Variants in PRAP1 observed in about 807,000 individuals in gnomAD.
PRAP1 encodes proline-rich acidic protein 1.
A neutral mutation model predicts 14.6 loss-of-function variants in PRAP1; 12 were observed. The observed-to-expected ratio is 0.82, with a 90% CI of 0.53 to 1.33. The LOEUF (loss-of-function observed/expected upper bound fraction) is 1.33. Among genes scored for constraint, PRAP1 ranks in the 40% most tolerant of loss-of-function variants. The pLI, the probability that PRAP1 is intolerant of heterozygous loss-of-function variation, is 0.00. For synonymous variants in PRAP1, 81 were observed against 80.3 expected (o/e 1.01, Z -0.04); for missense variants, 160 against 193.7 (o/e 0.83, Z 1.03).
At position 133,352,475 on chromosome 10, in the gene PRAP1, C is replaced by T. The variant is rs1848698269; in HGVS notation, c.*35C>T. 1 of 1,587,218 alleles carries T rather than the reference C, an allele frequency of 6.3e-7. No individual in the cohort carries two copies. Among genetic ancestry groups the T allele is most frequent in the Non-Finnish European group, 8.6e-7 (1 of 1,160,554 alleles). ...GGCCATCACTGCCCCCGCCCTGTCC[C>T]AAGGCCCAGGCTGTTGGGACTGGGA... On this transcript the variant is annotated 3_prime_UTR_variant, in exon 5 of 5. Coordinates refer to ENST00000433452, the MANE Select transcript of PRAP1 (RefSeq NM_145202.5).
At position 133,351,235 on chromosome 10, in the gene PRAP1, C is replaced by G; in HGVS notation, c.76-146C>G. ...GAGTGGCTTGCCCACTAGAGACGCTCGAGCTGTGCTGAGCTGGCCCTGCCC... is the reference window on the plus strand; with the variant it reads ...GAGTGGCTTGCCCACTAGAGACGCTGGAGCTGTGCTGAGCTGGCCCTGCCC... On this transcript the variant is annotated intron_variant, in intron 2 of 4. Transcript: ENST00000433452. This position sits in a 1 kb window ranked among gnomAD's most constrained non-coding sequence, Gnocchi z 4.3. 1 of 560,460 alleles carries G rather than the reference C, an allele frequency of 1.8e-6. No individual in the cohort carries two copies. Among genetic ancestry groups the G allele is most frequent in the Non-Finnish European group, 3.2e-6 (1 of 309,154 alleles). The allele number at this position is 560,460 out of a possible 1,614,324, so 34.7% of individuals were successfully genotyped here. A position where few individuals can be genotyped will look rare whatever the true frequency, so the allele number is the denominator to read the frequency against.
chr10:133,348,854 T>A (rs1196368675), intron 1 of PRAP1, among the ~76,000 whole-genome samples: 2 of 151,380 alleles, frequency 1.3e-5, no homozygotes, highest in Non-Finnish European at 2.9e-5. Flanking sequence ...AGAGACGGAG[T>A]TTTGCCATGT....
rs1848678586 is a variant in PRAP1 at position 133,351,514 on chromosome 10, A to G, written c.128+81A>G. On this transcript the variant is annotated intron_variant, in intron 3 of 4. Transcript: ENST00000433452. This position sits in a 1 kb window ranked among gnomAD's most constrained non-coding sequence, Gnocchi z 4.3. ...TCTGCTGGGCCCTTCCTGAACCTGG[A>G]GAGCACGGGGCAGATGCAGAGAGGA... 3.5e-6 allele frequency: 4 copies of G among 1,143,722 alleles called. No individual in the cohort carries two copies. The highest frequency in any genetic ancestry group is 5.1e-6 in the Non-Finnish European group (4 of 783,638). The allele number at this position is 1,143,722 out of a possible 1,614,324, so 70.8% of individuals were successfully genotyped here.
chr10:133,347,390 ACT>A lies in PRAP1; in HGVS notation c.-23_-22del, dbSNP rs757993370. On this transcript the variant is annotated 5_prime_UTR_variant, in exon 1 of 5. Coordinates refer to ENST00000433452, the MANE Select transcript of PRAP1 (RefSeq NM_145202.5). The surrounding 1 kb of genome is among the most constrained non-coding windows in gnomAD (Gnocchi z 5.0). ...GATCAGCCACTGCAGCTCCCTGAGC[ACT>A]CTCTACAGAGACGCGGACCCCAGAC... 1.7e-5 allele frequency: 27 copies of A among 1,613,322 alleles called. No homozygotes were observed. The highest frequency in any genetic ancestry group is 2.2e-5 in the South Asian group (2 of 90,948).
At chr10:133,349,085 C>T (rs1848632318) in intron 1 of PRAP1, among the ~76,000 whole-genome samples, 1 of 150,852 alleles carries the variant, frequency 6.6e-6, no homozygotes, top group Non-Finnish European at 1.5e-5. Context: ...CAAGTCTGCA[C>T]CACATCACAC....
chr10:133,348,354 C>G (rs1848617648), intron 1 of PRAP1, among the ~76,000 whole-genome samples: 1 of 152,212 alleles, frequency 6.6e-6, no homozygotes, highest in Admixed American at 6.5e-5. Flanking sequence ...TCCCCCCTGC[C>G]CTTTGACCTC....
In PRAP1 at chr10:133,348,671, G is replaced by T. The variant is rs921359041; in HGVS notation, c.8+1246G>T. ...TGGGATTACAGGCACCTGCCACCACGCCTGGCTAATTTTTTTTTTTTTTTT... is the reference window on the plus strand; with the variant it reads ...TGGGATTACAGGCACCTGCCACCACTCCTGGCTAATTTTTTTTTTTTTTTT... On this transcript the variant is annotated intron_variant, in intron 1 of 4. Transcript: ENST00000433452. 2.8e-4 allele frequency among the ~76,000 whole-genome samples: 38 copies of T among 136,206 alleles called. No individual in the cohort carries two copies. In the East Asian group the frequency reaches 3.6e-3, roughly 13 times the overall value. The allele number at this position is 136,206 out of a possible 152,430, so 89.4% of individuals were successfully genotyped here.
Position 133,351,619 on chromosome 10 carries a change from G to T in PRAP1, c.128+186G>T, listed in dbSNP as rs867234786. On this transcript the variant is annotated intron_variant, in intron 3 of 4. Coordinates refer to ENST00000433452, the MANE Select transcript of PRAP1 (RefSeq NM_145202.5). This position sits in a 1 kb window ranked among gnomAD's most constrained non-coding sequence, Gnocchi z 4.3. ...TCAACAGCGCCCCATGCAGGGAGAA[G>T]AGAGCACAGCCGGAGGGCTTGGGGC... Among the ~76,000 whole-genome samples, 1 of 152,244 alleles carries T rather than the reference G, an allele frequency of 6.6e-6. No homozygotes were observed. Among genetic ancestry groups the T allele is most frequent in the Non-Finnish European group, 1.5e-5 (1 of 68,038 alleles).
At position 133,352,510 on chromosome 10, in the gene PRAP1, C is replaced by A; in HGVS notation, c.*70C>A. 3 of 1,377,132 alleles carry A rather than the reference C, an allele frequency of 2.2e-6. No homozygotes were observed. The highest frequency in any genetic ancestry group is 2.3e-5 in the East Asian group (1 of 43,444). The allele number at this position is 1,377,132 out of a possible 1,614,324, so 85.3% of individuals were successfully genotyped here. On this transcript the variant is annotated 3_prime_UTR_variant, in exon 5 of 5. Coordinates refer to ENST00000433452, the MANE Select transcript of PRAP1 (RefSeq NM_145202.5). ...GCTGTTGGGACTGGGACCCTCCCTA[C>A]CCTGCCCCAGCTAGACAAATAAACC...
Position 133,352,153 on chromosome 10 carries a change from T to A in PRAP1, c.262+13T>A. On this transcript the variant is annotated intron_variant, in intron 4 of 4. Transcript: ENST00000433452. ...CCCATCCTTCCAGGTGGGCACAAGG[T>A]CACAGCAGCAGAGTCCGCTCGTGGG... is the stretch of plus-strand genomic sequence containing the variant. 6.2e-7 allele frequency: 1 copy of A among 1,612,532 alleles called. No individual in the cohort carries two copies. The highest frequency in any genetic ancestry group is 8.5e-7 in the Non-Finnish European group (1 of 1,179,814).
rs1211757606 is a variant in PRAP1 at position 133,351,147 on chromosome 10, G to T, written c.76-234G>T. On this transcript the variant is annotated intron_variant, in intron 2 of 4. Transcript: ENST00000433452. The surrounding 1 kb of genome is among the most constrained non-coding windows in gnomAD (Gnocchi z 4.3). ...GCCCCAGACCCGGCCAGAATTCCAGGCCAGCTGGTCATCTGGGCACAGGCC... is the reference window on the plus strand; with the variant it reads ...GCCCCAGACCCGGCCAGAATTCCAGTCCAGCTGGTCATCTGGGCACAGGCC... 6.6e-6 allele frequency among the ~76,000 whole-genome samples: 1 copy of T among 152,152 alleles called. No individual in the cohort carries two copies. The highest frequency in any genetic ancestry group is 1.5e-5 in the Non-Finnish European group (1 of 68,018).
intron 1 of PRAP1, among the ~76,000 whole-genome samples, chr10:133,349,567 C>T (rs1043391455): frequency 6.6e-6 from 1 of 152,222 alleles, no homozygotes; most frequent in Non-Finnish European, 1.5e-5. Context: ...GACACCCTGC[C>T]TGCCTGCCTA....
rs1270370006 is a variant in PRAP1, at chr10:133,350,144, G to A, written c.58G>A (p.Ala20Thr). ...LVVVLLWEAG[A>T]VPAPKVPIKM... The stretch of plus-strand genomic sequence containing the variant: ...GGTTGTGCTGCTGTGGGAGGCAGGT[G>A]CAGTCCCAGCACCCAAGGTAGGTGT... The change falls in exon 2 of 5, where the codon GCA becomes ACA. Residue 20 changes from alanine to threonine, a missense_variant. Coordinates refer to ENST00000433452, the MANE Select transcript of PRAP1 (RefSeq NM_145202.5). The A allele has an allele frequency of 6.2e-7, 1 of 1,613,408 alleles. No individual in the cohort carries two copies. The highest frequency in any genetic ancestry group is 8.5e-7 in the Non-Finnish European group (1 of 1,179,778).
In PRAP1 at chr10:133,351,476, A is replaced by G; in HGVS notation, c.128+43A>G. ...CACCTCCCCACCACCCATTCCCTGA[A>G]GCTACAGCCCGTTCTGCTGGGCCCT... On this transcript the variant is annotated intron_variant, in intron 3 of 4. Coordinates refer to ENST00000433452, the MANE Select transcript of PRAP1 (RefSeq NM_145202.5). This position sits in a 1 kb window ranked among gnomAD's most constrained non-coding sequence, Gnocchi z 4.3. 1.4e-6 allele frequency: 2 copies of G among 1,460,548 alleles called. No individual in the cohort carries two copies. The highest frequency in any genetic ancestry group is 1.9e-6 in the Non-Finnish European group (2 of 1,056,658). The allele number at this position is 1,460,548 out of a possible 1,614,324, so 90.5% of individuals were successfully genotyped here. A position where few individuals can be genotyped will look rare whatever the true frequency, so the allele number is the denominator to read the frequency against.
rs1024568292 is a variant in PRAP1, at chr10:133,351,436, A to G, written c.128+3A>G. 1.2e-6 allele frequency: 2 copies of G among 1,604,246 alleles called. No homozygotes were observed. Among genetic ancestry groups the G allele is most frequent in the African/African-American group, 2.7e-5 (2 of 74,752 alleles). ...CCCTCAGAGCAGGACCCAGAGAAGTAAGTCCCCCCAACCCCACCTCCCCAC... is the reference window on the plus strand; with the variant it reads ...CCCTCAGAGCAGGACCCAGAGAAGTGAGTCCCCCCAACCCCACCTCCCCAC... On this transcript the variant is annotated splice_donor_region_variant and intron_variant, in intron 3 of 4. Coordinates refer to ENST00000433452, the MANE Select transcript of PRAP1 (RefSeq NM_145202.5). This position sits in a 1 kb window ranked among gnomAD's most constrained non-coding sequence, Gnocchi z 4.3.
In PRAP1 at chr10:133,352,448, G is replaced by A. The variant is rs1848697602; in HGVS notation, c.*8G>A. The A allele has an allele frequency of 6.2e-7, 1 of 1,610,838 alleles. No homozygotes were observed. ...ATCTACCACCCCCAGTAGGGCTCCA[G>A]GGGCCATCACTGCCCCCGCCCTGTC... On this transcript the variant is annotated 3_prime_UTR_variant, in exon 5 of 5. Coordinates refer to ENST00000433452, the MANE Select transcript of PRAP1 (RefSeq NM_145202.5).
chr10:133,349,318 AACAT>A (rs1848638642), intron 1 of PRAP1, among the ~76,000 whole-genome samples: 1 of 149,926 alleles, frequency 6.7e-6, no homozygotes, highest in Admixed American at 6.7e-5. Context: ...AAACACACAT[AACAT>A]ACACACACAG....
At position 133,352,047 on chromosome 10, in the gene PRAP1, G is replaced by C. The variant is rs368573091; in HGVS notation, c.169G>C (p.Asp57His). 1.2e-6 allele frequency: 2 copies of C among 1,612,866 alleles called. No homozygotes were observed. The highest frequency in any genetic ancestry group is 1.3e-5 in the African/African-American group (1 of 74,902). Residue 57 changes from aspartate to histidine, a missense_variant, in exon 4 of 5, where the codon GAC becomes CAC. By Grantham distance (81) the Asp-to-His change is moderately conservative. Coordinates refer to ENST00000433452, the MANE Select transcript of PRAP1 (RefSeq NM_145202.5). ...ARVVEPPEKD[D>H]QLVVLFPVQK... ...TGTGGTGGAGCCTCCGGAGAAGGAC[G>C]ACCAGCTGGTGGTGCTGTTCCCTGT...
rs1463206884 is a variant in PRAP1, at chr10:133,352,274, A to T, written c.290A>T (p.Asp97Val). ...PGTKAWMETE[D>V]TLGHVLSPEP... ...ACCAAGGCCTGGATGGAGACCGAGG[A>T]CACCCTGGGCCATGTCCTGAGTCCC... is the stretch of plus-strand genomic sequence containing the variant. Residue 97 changes from aspartate (D) to valine (V), a missense_variant, in exon 5 of 5, where the codon GAC becomes GTC. Transcript: ENST00000433452. 1.2e-6 allele frequency: 2 copies of T among 1,613,026 alleles called. No individual in the cohort carries two copies. Among genetic ancestry groups the T allele is most frequent in the South Asian group, 2.2e-5 (2 of 91,066 alleles).
Sources: allele counts gnomAD v4.1 joint callset (sites outside exome capture counted in the v4.1 genomes callset), GRCh38; gene constraint gnomAD v4.1.1; non-coding constraint Gnocchi (gnomAD v3.1); transcripts MANE v1.5; gene names NCBI Gene and HGNC (gene_info 2026-07-23, HGNC 2026-07-21).